Variants in MYO9A observed in about 807,000 individuals in gnomAD.
MYO9A encodes myosin IXA, also known as unconventional myosin-IXa.
Under a neutral mutation model 293.3 loss-of-function variants are expected in MYO9A, and 103 were observed. The ratio of observed to expected loss-of-function variants is 0.35; its 90% CI spans 0.30 to 0.41. MYO9A has a LOEUF of 0.41. MYO9A is among the 10% of genes least tolerant of loss of function. MYO9A has a pLI of 1.00. For synonymous variants in MYO9A, 1,001 were observed against 1,035.7 expected (o/e 0.97, Z 0.64); for missense variants, 2,685 against 3,033.0 (o/e 0.89, Z 2.69).
chr15:71,873,394 A>G (rs1268179614), intron 32 of MYO9A, among the ~76,000 whole-genome samples: 1 of 152,100 alleles, frequency 6.6e-6, no homozygotes, highest in African/African-American at 2.4e-5. Flanking sequence ...AACCTCGTGC[A>G]TGTCAGCATG....
chr15:71,900,258 C>G (rs1294124008), intron 23 of MYO9A, among the ~76,000 whole-genome samples: 1 of 151,916 alleles, frequency 6.6e-6, no homozygotes, highest in African/African-American at 2.4e-5. Context: ...CATGGTGAAA[C>G]CCCGTCTCTA....
chr15:71,947,600 A>G (rs758712236), intron 15 of MYO9A, among the ~76,000 whole-genome samples: 1 of 152,100 alleles, frequency 6.6e-6, no homozygotes, highest in Non-Finnish European at 1.5e-5. Context: ...TATATCTGTT[A>G]ATTGATTTGC....
At chr15:72,030,035 T>A (rs959888367) in intron 3 of MYO9A, among the ~76,000 whole-genome samples, 14 of 152,204 alleles carry the variant, frequency 9.2e-5, no homozygotes, top group African/African-American at 3.4e-4. Flanking sequence ...CCTAGTCTAT[T>A]CCCAGTCTCT....
At position 71,938,600 on chromosome 15, in the gene MYO9A, T is replaced by C. The variant is rs185307705; in HGVS notation, c.2378+252A>G. 3.5e-3 allele frequency among the ~76,000 whole-genome samples: 536 copies of C among 152,262 alleles called. 2 individuals carry two copies. The highest frequency in any genetic ancestry group is 5.7e-3 in the Non-Finnish European group (389 of 67,958). On this transcript the variant is annotated intron_variant, in intron 16 of 41. Transcript: ENST00000356056. ...AAGAAGGGTCTCAGCAATTAAAATA[T>C]ATGAGCTCATTTTAAGTTATTCTGA...
chr15:72,077,472 AT>A (rs2150299940), intron 1 of MYO9A, among the ~76,000 whole-genome samples: 1 of 152,108 alleles, frequency 6.6e-6, no homozygotes, highest in East Asian at 1.9e-4. Flanking sequence ...TGGGTGGATC[AT>A]TTGAGGTCAG....
chr15:72,006,823 A>T (rs1315782390), intron 8 of MYO9A, among the ~76,000 whole-genome samples: 1 of 152,232 alleles, frequency 6.6e-6, no homozygotes, highest in East Asian at 1.9e-4. Context: ...GAAATGAGTG[A>T]AGTCTGCAGG....
chr15:71,846,480 G>A (rs564641318), intron 39 of MYO9A, among the ~76,000 whole-genome samples: 2 of 152,206 alleles, frequency 1.3e-5, no homozygotes, highest in South Asian at 2.1e-4. Flanking sequence ...GAAGAGCACT[G>A]GATTAAAACT....
Position 72,020,945 on chromosome 15 carries a change from T to C in MYO9A, c.1071A>G (p.Gln357=), listed in dbSNP as rs1453155362. 4 of 1,544,152 alleles carry C rather than the reference T, an allele frequency of 2.6e-6. No homozygotes were observed. Among genetic ancestry groups the C allele is most frequent in the East Asian group, 5.0e-5 (2 of 39,902 alleles). ...GATTGAGATAATGATATTCCTCTGG[T>C]TGCTTAAGATGGAATGCTGATCTCT... The part of the protein sequence containing the change: ...EDERSAFHLK[Q]PEEYHYLNQI... The change falls in exon 5 of 42, where the codon CAA becomes CAG. Residue 357 remains glutamine, a synonymous_variant. Transcript: ENST00000356056.
rs370588621 is a variant in MYO9A, at chr15:72,009,772, A to G, written c.1253+578T>C. Among the ~76,000 whole-genome samples the G allele has an allele frequency of 1.1e-3, 167 of 152,250 alleles. 1 individual carries two copies. The highest frequency in any genetic ancestry group is 6.8e-3 in the Middle Eastern group (2 of 294). Reference sequence around the variant, plus strand: ...TTCATCAGCACGACTCTCCCCTTCAAAAAAGTTATAAGTAACTATTTCTTT... The same window carrying G: ...TTCATCAGCACGACTCTCCCCTTCAGAAAAGTTATAAGTAACTATTTCTTT... On this transcript the variant is annotated intron_variant, in intron 7 of 41. Transcript: ENST00000356056.
intron 15 of MYO9A, among the ~76,000 whole-genome samples, chr15:71,939,386 T>C (rs1291949099): frequency 6.6e-6 from 1 of 152,196 alleles, no homozygotes; most frequent in African/African-American, 2.4e-5. Context: ...GACCTCACTG[T>C]CTGTTGTTTC....
At chr15:71,972,249 G>A (rs915379895) in intron 12 of MYO9A, 2 of 152,202 alleles carry the variant, frequency 1.3e-5, no homozygotes, top group African/African-American at 2.4e-5. Context: ...CTGGAAGGTA[G>A]AGTGCCCAGG....
At chr15:71,860,109 T>C (rs1444053441) in intron 33 of MYO9A, among the ~76,000 whole-genome samples, 1 of 152,190 alleles carries the variant, frequency 6.6e-6, no homozygotes, top group Admixed American at 6.5e-5. Context: ...AGGATACTTA[T>C]CTTTGTGGTT....
rs1555490831 is a variant in MYO9A, at chr15:71,956,330, A to ATATATATATATATATATAT, written c.2182+3570_2182+3571insATATATATATATATATATA. Among the ~76,000 whole-genome samples, 43 of 75,574 alleles carry ATATATATATATATATATAT rather than the reference A, an allele frequency of 5.7e-4. 1 individual carries two copies. Among genetic ancestry groups the ATATATATATATATATATAT allele is most frequent in the South Asian group, 1.5e-3 (3 of 2,046 alleles). The allele number at this position is 75,574 out of a possible 152,430, so 49.6% of individuals were successfully genotyped here. On this transcript the variant is annotated intron_variant, in intron 14 of 41. Coordinates refer to ENST00000356056, the MANE Select transcript of MYO9A (RefSeq NM_006901.4). ...GCTCTTAAAAAAAAAAAAAAAAAAA[A>ATATATATATATATATATAT]ATATATATATATATATATATAAAAT...
chr15:72,106,207 A>G (rs975713308), intron 1 of MYO9A, among the ~76,000 whole-genome samples: 1 of 152,198 alleles, frequency 6.6e-6, no homozygotes, highest in Non-Finnish European at 1.5e-5. Flanking sequence ...GCCAGGCACA[A>G]TGACTCATGC....
chr15:72,099,392 G>C (rs915583807), intron 1 of MYO9A, among the ~76,000 whole-genome samples: 1 of 128,062 alleles, frequency 7.8e-6, no homozygotes. Flanking sequence ...AATGAGCCGA[G>C]ATGCTGGGCA....
intron 8 of MYO9A, among the ~76,000 whole-genome samples, chr15:72,004,834 A>C (rs2076973198): frequency 6.6e-6 from 1 of 152,214 alleles, no homozygotes; most frequent in African/African-American, 2.4e-5. Flanking sequence ...AATAACTGAA[A>C]AGTAAATAAA....
chr15:72,078,719 A>C (rs1286584865), intron 1 of MYO9A, among the ~76,000 whole-genome samples: 1 of 152,238 alleles, frequency 6.6e-6, no homozygotes, highest in Non-Finnish European at 1.5e-5. Context: ...ATTGTCAGAA[A>C]TTGAAAGCCA....
intron 2 of MYO9A, 132 bp from the exon 3 acceptor site, chr15:72,032,720 G>C: frequency 1.9e-6 from 1 of 518,108 alleles, no homozygotes; most frequent in Non-Finnish European, 3.2e-6. Flanking sequence ...CAATTTGCTT[G>C]TATGTTCAGA....
chr15:71,857,629 T>C (rs981926353), intron 34 of MYO9A, among the ~76,000 whole-genome samples: 2 of 152,192 alleles, frequency 1.3e-5, no homozygotes, highest in African/African-American at 4.8e-5. Context: ...TTTTGAACTT[T>C]GTTTAAATGT....
Sources: gnomAD v4.1 joint callset for allele counts (sites outside exome capture counted in the v4.1 genomes callset) on GRCh38, gnomAD v4.1.1 for gene constraint, MANE v1.5 for transcripts, NCBI Gene and HGNC (gene_info 2026-07-23, HGNC 2026-07-21) for gene names.